The following HS3ST4 variants were observed in gnomAD, a reference collection of about 807,000 sequenced individuals.
The protein encoded by HS3ST4 is heparan sulfate-glucosamine 3-sulfotransferase 4, also known as heparan sulfate glucosamine 3-O-sulfotransferase 4.
Under a neutral mutation model 29.2 loss-of-function variants are expected in HS3ST4, and 17 were observed. That is an observed-to-expected ratio of 0.58 (90% confidence interval 0.40 to 0.87). The LOEUF (loss-of-function observed/expected upper bound fraction) is 0.87, where lower values mean the gene tolerates loss of function less well. HS3ST4 is among the 40% of genes least tolerant of loss of function. HS3ST4 has a pLI of 0.00. For missense variants in HS3ST4, 627 were observed against 634.5 expected (o/e 0.99, Z 0.13); for synonymous variants, 314 against 285.7 (o/e 1.10, Z -1.00).
At chr16:25,854,572 C>G (rs1967556216) in intron 1 of HS3ST4, among the ~76,000 whole-genome samples, 1 of 152,050 alleles carries the variant, frequency 6.6e-6, no homozygotes, top group African/African-American at 2.4e-5. Context: ...GGGAATGCAG[C>G]CCAGTAGGTC....
At chr16:25,722,887 C>T (rs1389974977) in intron 1 of HS3ST4, among the ~76,000 whole-genome samples, 1 of 152,142 alleles carries the variant, frequency 6.6e-6, no homozygotes, top group Non-Finnish European at 1.5e-5. Flanking sequence ...TAAAGACATA[C>T]CCAATAATGG....
intron 1 of HS3ST4, among the ~76,000 whole-genome samples, chr16:26,065,271 C>G (rs981593411): frequency 1.3e-5 from 2 of 152,222 alleles, no homozygotes; most frequent in Non-Finnish European, 2.9e-5. Context: ...GGTACATATA[C>G]ACCATGGAAT....
At chr16:25,828,191 TC>T (rs1321922843) in intron 1 of HS3ST4, among the ~76,000 whole-genome samples, 1 of 149,898 alleles carries the variant, frequency 6.7e-6, no homozygotes, top group Non-Finnish European at 1.5e-5. Context: ...TCTCTTTCTT[TC>T]TTTTCTTTCT....
intron 1 of HS3ST4, among the ~76,000 whole-genome samples, chr16:25,964,756 C>G (rs181921367): frequency 6.6e-6 from 1 of 152,160 alleles, no homozygotes; most frequent in Admixed American, 6.6e-5. Flanking sequence ...AACATTTCCT[C>G]ATCAGTTCAA....
In HS3ST4 at chr16:26,028,672, A is replaced by G. The variant is rs542212862; in HGVS notation, c.735-106940A>G. ...ACGTGGCAGCAACAATGCAGTTTAT[A>G]AAAAGCCCAAACTATCCCACATCTC... On this transcript the variant is annotated intron_variant, in intron 1 of 1. Transcript: ENST00000331351. 4.6e-5 allele frequency among the ~76,000 whole-genome samples: 7 copies of G among 152,330 alleles called. No individual in the cohort carries two copies. In the East Asian group the frequency reaches 1.2e-3, roughly 25 times the overall value.
At chr16:25,889,775 C>A (rs1054341878) in intron 1 of HS3ST4, among the ~76,000 whole-genome samples, 5 of 152,010 alleles carry the variant, frequency 3.3e-5, no homozygotes, top group African/African-American at 1.2e-4. Flanking sequence ...TGTAATAATC[C>A]CCACATGTCA....
chr16:25,806,351 G>T (rs1465223387), intron 1 of HS3ST4, among the ~76,000 whole-genome samples: 1 of 151,804 alleles, frequency 6.6e-6, no homozygotes, highest in Non-Finnish European at 1.5e-5. Context: ...CTACGTGGGG[G>T]CAGGACATTA....
intron 1 of HS3ST4, among the ~76,000 whole-genome samples, chr16:25,857,545 T>C (rs1967586104): frequency 1.3e-5 from 2 of 152,176 alleles, no homozygotes; most frequent in African/African-American, 2.4e-5. Flanking sequence ...GACGAGGCTG[T>C]AGTTTTTTAC....
intron 1 of HS3ST4, among the ~76,000 whole-genome samples, chr16:26,098,234 G>A (rs1279846174): frequency 1.3e-5 from 2 of 152,134 alleles, no homozygotes; most frequent in Non-Finnish European, 2.9e-5. Context: ...CCATTACTCG[G>A]TATATACCCA....
chr16:25,775,787 C>T (rs1966847065), intron 1 of HS3ST4, among the ~76,000 whole-genome samples: 1 of 152,224 alleles, frequency 6.6e-6, no homozygotes, highest in African/African-American at 2.4e-5. Flanking sequence ...CTGTCCCTTT[C>T]CTTGATGCTC....
chr16:25,854,120 CT>C (rs68152422), intron 1 of HS3ST4, among the ~76,000 whole-genome samples: 2,101 of 78,520 alleles, frequency 0.027, 48 homozygotes, highest in African/African-American at 0.064. Context: ...CACTCCATGT[CT>C]TTTTTTTTTG....
chr16:26,119,740 ATCGAGGCCTACT>A (rs1899247195), intron 1 of HS3ST4, among the ~76,000 whole-genome samples: 1 of 152,058 alleles, frequency 6.6e-6, no homozygotes, highest in South Asian at 2.1e-4. Context: ...ACAAATATTT[ATCGAGGCCTACT>A]TCATGCCAGG....
intron 1 of HS3ST4, among the ~76,000 whole-genome samples, chr16:25,796,343 ACT>A (rs1277282322): frequency 6.6e-6 from 1 of 151,458 alleles, no homozygotes; most frequent in African/African-American, 2.4e-5. Flanking sequence ...TGCCTCTTAA[ACT>A]CTCTGGATGT....
At chr16:25,958,787 TCTC>T (rs1270448310) in intron 1 of HS3ST4, among the ~76,000 whole-genome samples, 1 of 152,116 alleles carries the variant, frequency 6.6e-6, no homozygotes, top group Admixed American at 6.5e-5. Context: ...CCACGGAGCT[TCTC>T]CTCATGGCTG....
chr16:26,080,120 C>T (rs1039289581), intron 1 of HS3ST4, among the ~76,000 whole-genome samples: 2 of 152,082 alleles, frequency 1.3e-5, no homozygotes, highest in African/African-American at 4.8e-5. Flanking sequence ...ATGCTCTTCA[C>T]CTCTGCTTGG....
At chr16:25,944,629 A>G (rs923199026) in intron 1 of HS3ST4, among the ~76,000 whole-genome samples, 26 of 152,246 alleles carry the variant, frequency 1.7e-4, no homozygotes, top group Non-Finnish European at 2.6e-4. Flanking sequence ...ATTCTTAACT[A>G]CATTTCACCC....
intron 1 of HS3ST4, among the ~76,000 whole-genome samples, chr16:26,120,055 G>GTGTGTGTGTGTA (rs1555485121): frequency 1.9e-4 from 12 of 62,058 alleles, no homozygotes; most frequent in African/African-American, 4.3e-4. Flanking sequence ...TGAAGGAAGT[G>GTGTGTGTGTGTA]TGTGTGTGTG....
chr16:25,902,238 G>A (rs897820537), intron 1 of HS3ST4, among the ~76,000 whole-genome samples: 23 of 152,220 alleles, frequency 1.5e-4, no homozygotes, highest in Admixed American at 1.3e-3. Context: ...GATGAAGCCC[G>A]GCATCATGGT....
chr16:26,094,184 C>T (rs1019053985), intron 1 of HS3ST4, among the ~76,000 whole-genome samples: 14 of 152,168 alleles, frequency 9.2e-5, no homozygotes, highest in Non-Finnish European at 1.8e-4. Context: ...AGTTGGAAAA[C>T]ACTCTTCAGG....
Sources: gnomAD v4.1 joint callset for allele counts (sites outside exome capture counted in the v4.1 genomes callset) on GRCh38, gnomAD v4.1.1 for gene constraint, MANE v1.5 for transcripts, NCBI Gene and HGNC (gene_info 2026-07-23, HGNC 2026-07-21) for gene names.